MYH14: variants seen among roughly 807,000 people sequenced by gnomAD.
MYH14 encodes myosin heavy chain 14.
MYH14 carries 123 observed loss-of-function variants against 255.5 expected under a neutral mutation model. The observed-to-expected ratio is 0.48, with a 90% CI of 0.42 to 0.56. MYH14 has a LOEUF of 0.56. MYH14 is among the 20% of genes least tolerant of loss of function. The probability of loss-of-function intolerance (pLI) is 0.00; values close to 1 mark genes in which losing one functional copy is unlikely to be tolerated. For missense variants in MYH14, 2,423 were observed against 2,802.3 expected, an observed-to-expected ratio of 0.86 and a Z score of 3.06; for synonymous variants, 1,095 against 1,161.2, an observed-to-expected ratio of 0.94 and a Z score of 1.16.
rs1346824550 is a variant in MYH14, at chr19:50,281,706, A to G, written c.4403A>G (p.Glu1468Gly). Residue 1468 changes from glutamate (E) to glycine (G), a missense_variant, in exon 33 of 43, where the codon GAA becomes GGA. By Grantham distance (98) the Glu-to-Gly change is moderately conservative. This residue lies in a region of MYH14 where 1,513 missense variants were observed against 1,674.8 expected (regional missense o/e 0.90). Coordinates refer to ENST00000642316, the MANE Select transcript of MYH14 (RefSeq NM_001145809.2). ...EAEALTQRLA[E>G]KTETVDRLER... is the part of the protein sequence containing the mutation. ...GAGGCCCTGACCCAGCGCCTGGCAG[A>G]AAAGACAGAGACCGTGGATCGGCTG... 3.1e-6 allele frequency: 5 copies of G among 1,612,424 alleles called. No individual in the cohort carries two copies. The East Asian group carries it at 1.1e-4, about 36-fold the overall frequency.
chr19:50,263,317 T>C lies in MYH14; in HGVS notation c.2591T>C (p.Phe864Ser). The C allele has an allele frequency of 6.4e-7, 1 of 1,554,148 alleles. No individual in the cohort carries two copies. Among genetic ancestry groups the C allele is most frequent in the Non-Finnish European group, 8.7e-7 (1 of 1,148,382 alleles). Reference protein sequence around the residue: ...AARGYLARRAFQKRQQQQSAL... With the variant: ...AARGYLARRASQKRQQQQSAL... ...TCACCCATTTCCCCACCCAGGGCCT[T>C]CCAGAAGCGCCAGCAGCAGCAGAGC... is the stretch of plus-strand genomic sequence containing the variant. The change falls in exon 22 of 43, where the codon TTC becomes TCC. Residue 864 changes from phenylalanine to serine, a missense_variant. Around this residue, in one of 3 missense-constraint regions of MYH14, gnomAD observed 1,513 missense variants for 1,674.8 expected, o/e 0.90. Transcript: ENST00000642316.
Position 50,228,844 on chromosome 19 carries a change from T to G in MYH14, c.875-1681T>G, listed in dbSNP as rs115298688. On this transcript the variant is annotated intron_variant, in intron 8 of 42. Coordinates refer to ENST00000642316, the MANE Select transcript of MYH14 (RefSeq NM_001145809.2). Reference sequence around the variant, plus strand: ...CCGGCTGTCTCAGGCACCAGTGGATTGATGCTCATGAATCAGGTCCCGCCC... The same window carrying G: ...CCGGCTGTCTCAGGCACCAGTGGATGGATGCTCATGAATCAGGTCCCGCCC... Among the ~76,000 whole-genome samples, 536 of 152,284 alleles carry G rather than the reference T, an allele frequency of 3.5e-3. 1 individual carries two copies. Among genetic ancestry groups the G allele is most frequent in the African/African-American group, 0.013 (521 of 41,556 alleles).
At chr19:50,207,255 GAAAGAGAGAGAGAGAC>G (rs2031824520) in intron 1 of MYH14, among the ~76,000 whole-genome samples, 2 of 125,064 alleles carry the variant, frequency 1.6e-5, no homozygotes, top group Non-Finnish European at 3.2e-5. Context: ...GAGAGAGAGA[GAAAGAGAGAGAGAGAC>G]AGAGAGAGAG....
rs35453633 is a variant in MYH14, at chr19:50,286,538, C to T, written c.4596C>T (p.Ala1532=). Reference sequence around the variant, plus strand: ...GGGCAGTGGAGGAACGTGAGCGGGCCGAGGCAGAGGGCCGGGAGCGTGAGG... The same window carrying T: ...GGGCAGTGGAGGAACGTGAGCGGGCTGAGGCAGAGGGCCGGGAGCGTGAGG... ...VLRAVEERER[A]EAEGREREAR... is the part of the protein sequence containing the mutation. Residue 1532 remains alanine (A), a synonymous_variant, in exon 34 of 43, where the codon GCC becomes GCT. Transcript: ENST00000642316. 2.1e-3 allele frequency: 3,451 copies of T among 1,613,374 alleles called. 68 individuals are homozygous for T. The African/African-American group carries it at 0.039, about 18-fold the overall frequency.
chr19:50,209,609 G>C (rs1234934452), intron 1 of MYH14, among the ~76,000 whole-genome samples: 2 of 150,548 alleles, frequency 1.3e-5, no homozygotes, highest in African/African-American at 4.9e-5. Context: ...ACAGTGAAAC[G>C]CTGTCTCTAC....
chr19:50,240,829 A>C (rs1390128792), intron 10 of MYH14, among the ~76,000 whole-genome samples: 1 of 152,036 alleles, frequency 6.6e-6, no homozygotes, highest in African/African-American at 2.4e-5. Context: ...AAAAAAACCC[A>C]AAAAAACAAC....
Position 50,287,461 on chromosome 19 carries a change from G to A in MYH14, c.4752+767G>A, listed in dbSNP as rs138228167. On this transcript the variant is annotated intron_variant, in intron 34 of 42. Transcript: ENST00000642316. ...AGGGTCTTGCTCTGTTGCCCAGGCT[G>A]GAGGGCAGTGGTGCAATCATGGCAC... 1.0e-3 allele frequency among the ~76,000 whole-genome samples: 158 copies of A among 152,352 alleles called. 1 individual carries two copies. Among genetic ancestry groups the A allele is most frequent in the African/African-American group, 3.6e-3 (151 of 41,584 alleles).
In MYH14 at chr19:50,266,590, G is replaced by C. The variant is rs2035090811; in HGVS notation, c.2695-287G>C. The stretch of plus-strand genomic sequence containing the variant: ...GGAAGGAAGGGAGGAAAAAAGGAAG[G>C]AAGGAAGGACTGTTCCACAGAATAG... On this transcript the variant is annotated intron_variant, in intron 22 of 42. Transcript: ENST00000642316. The surrounding 1 kb of genome is among the most constrained non-coding windows in gnomAD (Gnocchi z 4.1). Among the ~76,000 whole-genome samples the C allele has an allele frequency of 6.6e-6, 1 of 152,018 alleles. No individual in the cohort carries two copies. Among genetic ancestry groups the C allele is most frequent in the African/African-American group, 2.4e-5 (1 of 41,332 alleles).
At position 50,244,298 on chromosome 19, in the gene MYH14, G is replaced by A. The variant is rs1388348740; in HGVS notation, c.1171G>A (p.Glu391Lys). The part of the protein sequence containing the change: ...LQFGNIALKR[E>K]RNTDQATMPD... The stretch of plus-strand genomic sequence containing the variant: ...GTTTGGCAACATTGCCTTGAAGAGA[G>A]AACGGAACACCGATCAAGCCACCAT... Residue 391 changes from glutamate to lysine, a missense_variant, in exon 11 of 43, where the codon GAA becomes AAA. This residue lies in a region of MYH14 where 672 missense variants were observed against 881.8 expected (regional missense o/e 0.76). Coordinates refer to ENST00000642316, the MANE Select transcript of MYH14 (RefSeq NM_001145809.2). 3.7e-6 allele frequency: 6 copies of A among 1,613,652 alleles called. No homozygotes were observed. The African/African-American group carries it at 4.0e-5, about 11-fold the overall frequency.
chr19:50,261,597 C>T lies in MYH14; in HGVS notation c.2547C>T (p.Val849=), dbSNP rs1159355381. The T allele has an allele frequency of 1.9e-6, 3 of 1,604,786 alleles. No individual in the cohort carries two copies. The highest frequency in any genetic ancestry group is 1.7e-6 in the Non-Finnish European group (2 of 1,176,894). The stretch of plus-strand genomic sequence containing the variant: ...ACCTGAAGGTCACCGACATCATCGT[C>T]TCCTTCCAGGCAGCTGCCCGGGGAT... ...ERDLKVTDII[V]SFQAAARGYL... The change falls in exon 21 of 43, where the codon GTC becomes GTT. Residue 849 remains valine (V), a synonymous_variant. Coordinates refer to ENST00000642316, the MANE Select transcript of MYH14 (RefSeq NM_001145809.2).
At position 50,259,282 on chromosome 19, in the gene MYH14, G is replaced by T. The variant is rs748262990; in HGVS notation, c.2354+17G>T. On this transcript the variant is annotated intron_variant, in intron 19 of 42. Coordinates refer to ENST00000642316, the MANE Select transcript of MYH14 (RefSeq NM_001145809.2). ...CCGGCAGCGGTGAGCTAGAGCGAGG[G>T]CCCAGGCCCGGCGGAGGGGCTGGGT... 1.9e-6 allele frequency: 3 copies of T among 1,558,458 alleles called. No individual in the cohort carries two copies. Among genetic ancestry groups the T allele is most frequent in the Middle Eastern group, 1.9e-4 (1 of 5,238 alleles).
In MYH14 at chr19:50,290,975, A is replaced by G. The variant is rs932164623; in HGVS notation, c.5054A>G (p.Glu1685Gly). 1 of 1,608,788 alleles carries G rather than the reference A, an allele frequency of 6.2e-7. No homozygotes were observed. The highest frequency in any genetic ancestry group is 8.5e-7 in the Non-Finnish European group (1 of 1,178,112). ...CGCAAGAAGCTGGAGGGAGAGCTGG[A>G]GGAGCTGAAGGCTCAGATGGCCTCT... ...AARKKLEGELEELKAQMASAG... is the reference protein window; with the variant it reads ...AARKKLEGELGELKAQMASAG... The change falls in exon 36 of 43, where the codon GAG becomes GGG. Residue 1685 changes from glutamate (E) to glycine (G), a missense_variant. By Grantham distance (98) the Glu-to-Gly change is moderately conservative. Transcript: ENST00000642316.
At chr19:50,237,596 G>A (rs2033716795) in intron 10 of MYH14, among the ~76,000 whole-genome samples, 1 of 152,180 alleles carries the variant, frequency 6.6e-6, no homozygotes, top group Admixed American at 6.5e-5. Flanking sequence ...CCAAAATGCT[G>A]GGATTACAGG....
rs183424583 is a variant in MYH14 at position 50,253,943 on chromosome 19, C to T, written c.1945+1190C>T. 1.3e-3 allele frequency among the ~76,000 whole-genome samples: 196 copies of T among 152,246 alleles called. 1 individual carries two copies. Among genetic ancestry groups the T allele is most frequent in the African/African-American group, 4.5e-3 (188 of 41,550 alleles). On this transcript the variant is annotated intron_variant, in intron 16 of 42. Transcript: ENST00000642316. ...CAAGAAAACAAAATGAGCGGCCAGG[C>T]GCGGTGGCTCACGCCTGTAATCCCA...
intron 11 of MYH14, among the ~76,000 whole-genome samples, chr19:50,245,616 T>G (rs925042564): frequency 6.6e-6 from 1 of 152,102 alleles, no homozygotes; most frequent in South Asian, 2.1e-4. Flanking sequence ...CTTCACCCCC[T>G]CTTCCCCTGG....
At position 50,221,893 on chromosome 19, in the gene MYH14, C is replaced by G. The variant is rs1378569025; in HGVS notation, c.563-1190C>G. Reference sequence around the variant, plus strand: ...TCAGAGCCTTTCCCCTGGCTGTGCCCTCTGCCTGAAATGCCACCTCCACTG... The same window carrying G: ...TCAGAGCCTTTCCCCTGGCTGTGCCGTCTGCCTGAAATGCCACCTCCACTG... On this transcript the variant is annotated intron_variant, in intron 3 of 42. Coordinates refer to ENST00000642316, the MANE Select transcript of MYH14 (RefSeq NM_001145809.2). This position sits in a 1 kb window ranked among gnomAD's most constrained non-coding sequence, Gnocchi z 5.3. Among the ~76,000 whole-genome samples, 2 of 152,208 alleles carry G rather than the reference C, an allele frequency of 1.3e-5. No individual in the cohort carries two copies. Among genetic ancestry groups the G allele is most frequent in the African/African-American group, 4.8e-5 (2 of 41,452 alleles).
At chr19:50,260,331 A>G (rs1357051960) in intron 19 of MYH14, among the ~76,000 whole-genome samples, 1 of 152,212 alleles carries the variant, frequency 6.6e-6, no homozygotes, top group Non-Finnish European at 1.5e-5. Context: ...AGGCTGAGGC[A>G]AGAGAATCGC....
Position 50,261,509 on chromosome 19 carries a change from G to T in MYH14, c.2459G>T (p.Arg820Leu). 2 of 1,461,402 alleles carry T rather than the reference G, an allele frequency of 1.4e-6. No homozygotes were observed. The highest frequency in any genetic ancestry group is 3.0e-5 in the East Asian group (1 of 33,058). The allele number at this position is 1,461,402 out of a possible 1,614,324, so 90.5% of individuals were successfully genotyped here. A position where few individuals can be genotyped will look rare whatever the true frequency, so the allele number is the denominator to read the frequency against. The stretch of plus-strand genomic sequence containing the variant: ...CTGGAACTGGACCCCAACCTCTACC[G>T]CGTGGGACAGAGCAAGATCTTCTTC... ...QALELDPNLY[R>L]VGQSKIFFRA... Residue 820 changes from arginine (R) to leucine (L), a missense_variant, in exon 21 of 43, where the codon CGC becomes CTC. By Grantham distance (102) the Arg-to-Leu change is moderately radical. Around this residue, in one of 3 missense-constraint regions of MYH14, gnomAD observed 1,513 missense variants for 1,674.8 expected, o/e 0.90. Coordinates refer to ENST00000642316, the MANE Select transcript of MYH14 (RefSeq NM_001145809.2).
In MYH14 at chr19:50,268,244, G is replaced by C; in HGVS notation, c.2910G>C (p.Arg970Ser). ...CAGAGGCCGAGGAGACGCGGGGGAG[G>C]CTGGCAGCCCGCAAGCAGGAGCTGG... ...LCAEAEETRG[R>S]LAARKQELEL... is the part of the protein sequence containing the mutation. Residue 970 changes from arginine (R) to serine (S), a missense_variant, in exon 24 of 43, where the codon AGG becomes AGC. Physicochemically the swap from Arg to Ser is moderately radical, Grantham distance 110. Transcript: ENST00000642316. 1 of 1,567,848 alleles carries C rather than the reference G, an allele frequency of 6.4e-7. No homozygotes were observed. The highest frequency in any genetic ancestry group is 8.6e-7 in the Non-Finnish European group (1 of 1,157,050).
Sources: allele counts gnomAD v4.1 joint callset (sites outside exome capture counted in the v4.1 genomes callset), GRCh38; gene constraint gnomAD v4.1.1; regional missense constraint gnomAD v4.1.1; non-coding constraint Gnocchi (gnomAD v3.1); transcripts MANE v1.5; gene names NCBI Gene and HGNC (gene_info 2026-07-23, HGNC 2026-07-21).